Variants in ZNF18 observed in about 807,000 individuals in gnomAD.
ZNF18 encodes the protein heart development-specific gene 1 protein.
In ZNF18, 42 loss-of-function variants were observed where a neutral mutation model predicts 58.1. The observed-to-expected ratio is 0.72, with a 90% confidence interval of 0.56 to 0.93. ZNF18 has a LOEUF of 0.93. Among genes scored for constraint, ZNF18 ranks in the 40% least tolerant of loss-of-function variants. The pLI is 0.00. For synonymous variants in ZNF18, 231 were observed against 239.8 expected, an observed-to-expected ratio of 0.96 and a Z score of 0.34; for missense variants, 540 against 644.2, an observed-to-expected ratio of 0.84 and a Z score of 1.75.
Position 11,996,562 on chromosome 17 carries a change from A to T in ZNF18, c.-83+869T>A, listed in dbSNP as rs541339584. ...CTTTATATAGTATTAAAAATTTAAT[A>T]GAGTTTATATTCCGATAACCTCATG... On this transcript the variant is annotated intron_variant, in intron 1 of 6. Transcript: ENST00000580306. Among the ~76,000 whole-genome samples, 4 of 152,320 alleles carry T rather than the reference A, an allele frequency of 2.6e-5. No individual in the cohort carries two copies. In the East Asian group the frequency reaches 7.7e-4, roughly 29 times the overall value.
chr17:11,985,236 A>C (rs1458013264), intron 4 of ZNF18, among the ~76,000 whole-genome samples: 1 of 152,238 alleles, frequency 6.6e-6, no homozygotes, highest in Non-Finnish European at 1.5e-5. Context: ...AATACCATAC[A>C]GCTAGGGTCT....
chr17:11,978,608 C>G lies in ZNF18; in HGVS notation c.999G>C (p.Glu333Asp), dbSNP rs1567596854. Residue 333 changes from glutamate to aspartate, a missense_variant, in exon 7 of 7, where the codon GAG becomes GAC. Glu to Asp is a conservative substitution (Grantham distance 45, BLOSUM62 2). Coordinates refer to ENST00000580306, the MANE Select transcript of ZNF18 (RefSeq NM_001303281.2). Reference sequence around the variant, plus strand: ...TCTCTCCTTCTCCAAAGCATCCTGGCTCATCCTCAGTGAAGAAGCCCCTCA... The same window carrying G: ...TCTCTCCTTCTCCAAAGCATCCTGGGTCATCCTCAGTGAAGAAGCCCCTCA... The part of the protein sequence containing the change: ...ASLRGFFTED[E>D]PGCFGEGENL... The G allele has an allele frequency of 1.9e-6, 3 of 1,614,114 alleles. No homozygotes were observed. Among genetic ancestry groups the G allele is most frequent in the Non-Finnish European group, 2.5e-6 (3 of 1,180,028 alleles).
chr17:12,019,914 T>C, the ZNF18 span, among the ~76,000 whole-genome samples: 1 of 152,240 alleles, frequency 6.6e-6, no homozygotes, highest in Non-Finnish European at 1.5e-5. Context: ...TAGGCAAGGC[T>C]GCCTGGCCAG....
chr17:12,015,409 T>C, the ZNF18 span, among the ~76,000 whole-genome samples: 2 of 152,238 alleles, frequency 1.3e-5, no homozygotes, highest in African/African-American at 2.4e-5. Flanking sequence ...AGTAAGATTA[T>C]ATTAGTTGGA....
At chr17:11,995,682 C>CAAAAAAA (rs1196560442) in intron 1 of ZNF18, 1 of 70,610 alleles carries the variant, frequency 1.4e-5, no homozygotes, top group South Asian at 4.7e-4. Context: ...GACTCCATCT[C>CAAAAAAA]AAAAAAAAAA....
chr17:11,980,659 T>TC (rs1319749286), intron 6 of ZNF18, among the ~76,000 whole-genome samples: 4 of 151,624 alleles, frequency 2.6e-5, no homozygotes, highest in East Asian at 1.9e-4. Flanking sequence ...CCTCAAATGA[T>TC]CCCCCCGCCT....
the ZNF18 span, among the ~76,000 whole-genome samples, chr17:12,011,740 G>T: frequency 8.1e-6 from 1 of 123,590 alleles, no homozygotes; most frequent in Admixed American, 1.1e-4. Context: ...TAGTTCTGTC[G>T]CCCAGGCTGG....
chr17:12,005,087 T>C, the ZNF18 span, among the ~76,000 whole-genome samples: 1 of 150,560 alleles, frequency 6.6e-6, no homozygotes, highest in Admixed American at 6.7e-5. Flanking sequence ...TAAGTATATA[T>C]AAATATATAT....
the ZNF18 span, among the ~76,000 whole-genome samples, chr17:12,013,416 G>C: frequency 2.0e-5 from 3 of 152,136 alleles, no homozygotes; most frequent in African/African-American, 7.2e-5. Flanking sequence ...AGAAATGATG[G>C]GCTTATCTTA....
At position 11,978,518 on chromosome 17, in the gene ZNF18, T is replaced by C. The variant is rs749644639; in HGVS notation, c.1089A>G (p.Glu363=). ...EGTGEQLSPQ[E]RISEKQLGQH... ...GACCTAGTTGTTTCTCAGAAATCCT[T>C]TCTTGAGGAGACAGCTGTTCCCCTG... Residue 363 remains glutamate (E), a synonymous_variant, in exon 7 of 7, where the codon GAA becomes GAG. Transcript: ENST00000580306. 9.7e-5 allele frequency: 156 copies of C among 1,609,050 alleles called. No homozygotes were observed. Among genetic ancestry groups the C allele is most frequent in the Admixed American group, 1.4e-4 (8 of 58,758 alleles).
Position 11,978,425 on chromosome 17 carries a change from G to A in ZNF18, c.1182C>T (p.Ser394=), listed in dbSNP as rs774477578. 3.9e-6 allele frequency: 6 copies of A among 1,548,816 alleles called. No homozygotes were observed. In the South Asian group the frequency reaches 7.7e-5, roughly 20 times the overall value. Residue 394 remains serine (S), a synonymous_variant, in exon 7 of 7, where the codon TCC becomes TCT. Coordinates refer to ENST00000580306, the MANE Select transcript of ZNF18 (RefSeq NM_001303281.2). Reference sequence around the variant, plus strand: ...TGGGGGCTCTTGGCTGCCCCTTCTGGGAGGTCTCTCTCTTCTCCTCAAGCC... The same window carrying A: ...TGGGGGCTCTTGGCTGCCCCTTCTGAGAGGTCTCTCTCTTCTCCTCAAGCC... The part of the protein sequence containing the change: ...TMWLEEKRET[S]QKGQPRAPMA...
At chr17:12,021,172 G>A in the ZNF18 span, among the ~76,000 whole-genome samples, 1 of 151,582 alleles carries the variant, frequency 6.6e-6, no homozygotes, top group Non-Finnish European at 1.5e-5. Context: ...CCTCCGGCCC[G>A]GCTTGGATCC....
chr17:11,985,897 G>T (rs1189329972), intron 4 of ZNF18, among the ~76,000 whole-genome samples: 2 of 152,168 alleles, frequency 1.3e-5, no homozygotes, highest in Non-Finnish European at 2.9e-5. Context: ...AGGCTTCAGG[G>T]AATAGAAATG....
chr17:11,992,371 A>G, intron 2 of ZNF18, 72 bp downstream of exon 2: 2 of 1,529,318 alleles, frequency 1.3e-6, no homozygotes, highest in South Asian at 2.6e-5. Flanking sequence ...TATCAGAAAA[A>G]AGACAACACA....
intron 6 of ZNF18, among the ~76,000 whole-genome samples, chr17:11,981,927 T>C (rs1967385597): frequency 6.6e-6 from 1 of 152,164 alleles, no homozygotes; most frequent in Non-Finnish European, 1.5e-5. Context: ...TATGATGGTA[T>C]TTGGAGATGG....
At chr17:12,003,795 C>T in the ZNF18 span, among the ~76,000 whole-genome samples, 4 of 152,152 alleles carry the variant, frequency 2.6e-5, no homozygotes, top group Non-Finnish European at 5.9e-5. Context: ...CCTGGAGACA[C>T]GACAAAGAAG....
At chr17:11,987,574 T>C (rs1967832583) in intron 4 of ZNF18, among the ~76,000 whole-genome samples, 1 of 152,164 alleles carries the variant, frequency 6.6e-6, no homozygotes, top group Non-Finnish European at 1.5e-5. Flanking sequence ...CAGACACACA[T>C]ATATATGTAA....
the ZNF18 span, among the ~76,000 whole-genome samples, chr17:12,008,835 A>G: frequency 2.0e-5 from 3 of 152,344 alleles, no homozygotes; most frequent in Admixed American, 2.0e-4. Flanking sequence ...GATCCTTATT[A>G]TTCAGGGAAC....
At position 11,978,755 on chromosome 17, in the gene ZNF18, AAAG is replaced by A. The variant is rs1967148541; in HGVS notation, c.863-14_863-12del. 6.4e-7 allele frequency: 1 copy of A among 1,560,108 alleles called. No homozygotes were observed. The highest frequency in any genetic ancestry group is 8.6e-7 in the Non-Finnish European group (1 of 1,160,064). On this transcript the variant is annotated splice_polypyrimidine_tract_variant and intron_variant, in intron 6 of 6. Coordinates refer to ENST00000580306, the MANE Select transcript of ZNF18 (RefSeq NM_001303281.2). ...TCTCTTGTCTATCTCCTAAAAGAAG[AAAG>A]AAGATTTGAAATGGTTCAAGTGCTA...
Sources: allele counts gnomAD v4.1 joint callset (sites outside exome capture counted in the v4.1 genomes callset), GRCh38; gene constraint gnomAD v4.1.1; transcripts MANE v1.5; gene names NCBI Gene and HGNC (gene_info 2026-07-23, HGNC 2026-07-21).